The following LRRC56 variants were observed in gnomAD, a reference collection of about 807,000 sequenced individuals.
The protein encoded by LRRC56 is leucine-rich repeat-containing protein 56.
A neutral mutation model predicts 47.8 loss-of-function variants in LRRC56; 41 were observed. The observed-to-expected ratio is 0.86, with a 90% CI of 0.67 to 1.11. The LOEUF (loss-of-function observed/expected upper bound fraction) is 1.11, where lower values mean the gene tolerates loss of function less well. Among genes scored for constraint, LRRC56 ranks in the 50% most tolerant of loss-of-function variants. LRRC56 has a pLI of 0.00. For synonymous variants in LRRC56, 387 were observed against 311.2 expected (o/e 1.24, Z -2.56); for missense variants, 759 against 704.2 (o/e 1.08, Z -0.88).
upstream of LRRC56, chr11:534,315 T>C (rs2133995205): frequency 6.2e-7 from 1 of 1,612,376 alleles, no homozygotes; most frequent in Non-Finnish European, 8.5e-7. Context: ...CAGCTTATAT[T>C]CCGTCATCGC....
the LRRC56 span, among the ~76,000 whole-genome samples, chr11:508,454 C>G: frequency 6.6e-6 from 1 of 152,234 alleles, no homozygotes; most frequent in African/African-American, 2.4e-5. Flanking sequence ...CCACTACACC[C>G]GGCCTGATCA....
At chr11:531,621 G>T in the LRRC56 span, among the ~76,000 whole-genome samples, 1 of 152,172 alleles carries the variant, frequency 6.6e-6, no homozygotes, top group South Asian at 2.1e-4. Context: ...GGGAGAGTGG[G>T]GCAGGAGCAG....
At chr11:515,804 C>T in the LRRC56 span, among the ~76,000 whole-genome samples, 17 of 152,128 alleles carry the variant, frequency 1.1e-4, no homozygotes, top group African/African-American at 4.1e-4. Context: ...TGCCACTGCC[C>T]TCCAACCTGG....
At chr11:522,778 G>A in the LRRC56 span, among the ~76,000 whole-genome samples, 2 of 151,612 alleles carry the variant, frequency 1.3e-5, no homozygotes, top group South Asian at 2.1e-4. Context: ...AGTTTCACTC[G>A]TTCCAAAGCG....
chr11:510,881 C>T, the LRRC56 span, among the ~76,000 whole-genome samples: 2 of 151,990 alleles, frequency 1.3e-5, no homozygotes. Flanking sequence ...TGCACTCCAG[C>T]CTGGGTGACA....
the LRRC56 span, among the ~76,000 whole-genome samples, chr11:520,434 C>T: frequency 1.3e-5 from 2 of 152,066 alleles, no homozygotes; most frequent in South Asian, 4.1e-4. Context: ...GATTCTCCTG[C>T]CTCAGCCTCC....
the LRRC56 span, among the ~76,000 whole-genome samples, chr11:515,598 G>A: frequency 2.1e-4 from 32 of 152,314 alleles, no homozygotes; most frequent in Non-Finnish European, 3.5e-4. Context: ...GGCACTTTGA[G>A]AGGCCAAGGC....
rs769843786 is a variant in LRRC56, at chr11:549,943, T to G, written c.368T>G (p.Leu123Arg). 6.2e-7 allele frequency: 1 copy of G among 1,612,130 alleles called. No homozygotes were observed. Among genetic ancestry groups the G allele is most frequent in the South Asian group, 1.1e-5 (1 of 91,022 alleles). Residue 123 changes from leucine (L) to arginine (R), a missense_variant, in exon 7 of 14, where the codon CTG (leucine) becomes CGG (arginine). Transcript: ENST00000270115. ...CTGGGCCACCTGCAGGTGCTGTGGC[T>G]GGCTCGCTGTGGCCTCGCTGACCTG... ...TSLGHLQVLW[L>R]ARCGLADLDG...
intron 6 of LRRC56, among the ~76,000 whole-genome samples, chr11:545,718 C>A (rs1852041166): frequency 6.6e-6 from 1 of 152,188 alleles, no homozygotes; most frequent in Non-Finnish European, 1.5e-5. Flanking sequence ...AAGAACAAGG[C>A]TGAAGGAACA....
chr11:544,585 G>A (rs1370214477), intron 5 of LRRC56, 135 bp from the exon 6 acceptor site: 4 of 870,736 alleles, frequency 4.6e-6, no homozygotes, highest in Middle Eastern at 2.6e-4. Context: ...CCCCTCCTGT[G>A]GTGTGGAGGG....
rs1852415762 is a variant in LRRC56, at chr11:551,916, C to T, written c.987C>T (p.Val329=). The T allele has an allele frequency of 1.2e-6, 2 of 1,612,738 alleles. No homozygotes were observed. ...TGTCTCTTGCAGGTGCTGGCCAAGT[C>T]CTCTGTGGGAACCCCACCAAGGGCC... ...TSSLTHGAGQ[V]LCGNPTKGLR... is the part of the protein sequence containing the mutation. The change falls in exon 11 of 14, where the codon GTC becomes GTT. Residue 329 remains valine (V), a synonymous_variant. Coordinates refer to ENST00000270115, the MANE Select transcript of LRRC56 (RefSeq NM_198075.4).
chr11:511,689 C>T, the LRRC56 span, among the ~76,000 whole-genome samples: 18 of 152,214 alleles, frequency 1.2e-4, no homozygotes, highest in East Asian at 1.5e-3. Flanking sequence ...TCTGGAGATC[C>T]GTGCTGATGT....
chr11:522,263 T>G, the LRRC56 span, among the ~76,000 whole-genome samples: 1 of 151,326 alleles, frequency 6.6e-6, no homozygotes, highest in African/African-American at 2.4e-5. Flanking sequence ...TTTTTTTGTT[T>G]TGTTTTGTTT....
intron 9 of LRRC56, 77 bp downstream of exon 9, chr11:551,379 C>T: frequency 2.0e-6 from 2 of 1,009,226 alleles, no homozygotes; most frequent in Non-Finnish European, 2.9e-6. Flanking sequence ...CCAGGCTTCT[C>T]AGAAACGGAT....
chr11:532,619 AGTCCCCCTCACCTGC>A, upstream of LRRC56: 1 of 1,607,464 alleles, frequency 6.2e-7, no homozygotes, highest in Non-Finnish European at 8.5e-7. Flanking sequence ...CCGCCCTGGG[AGTCCCCCTCACCTGC>A]GTCAGGAGAG....
rs1304373145 is a variant in LRRC56 at position 552,128 on chromosome 11, A to T, written c.1077A>T (p.Pro359=). 3 of 1,612,462 alleles carry T rather than the reference A, an allele frequency of 1.9e-6. No homozygotes were observed. In the South Asian group the frequency reaches 3.3e-5, roughly 18 times the overall value. The stretch of plus-strand genomic sequence containing the variant: ...CCGAGCAGCTGCCCCAACACAGGCC[A>T]GGAGATCCGGCCGCCAGCACTTCCA... ...EPPEQLPQHR[P]GDPAASTSTP... The change falls in exon 12 of 14, where the codon CCA becomes CCT. Residue 359 remains proline (P), a synonymous_variant. Transcript: ENST00000270115.
chr11:531,160 C>CCTGGAGAGAAGGGCGAGTGTGGTGTTCG, the LRRC56 span, among the ~76,000 whole-genome samples: 2 of 150,858 alleles, frequency 1.3e-5, no homozygotes, highest in South Asian at 2.1e-4. Flanking sequence ...TGTGGCGTCC[C>CCTGGAGAGAAGGGCGAGTGTGGTGTTCG]CTGGAGAGAA....
the LRRC56 span, among the ~76,000 whole-genome samples, chr11:512,284 G>A: frequency 6.6e-6 from 1 of 152,086 alleles, no homozygotes; most frequent in Admixed American, 6.6e-5. Flanking sequence ...CGCCCAGGCT[G>A]GAGTGCAGTG....
intron 6 of LRRC56, among the ~76,000 whole-genome samples, chr11:547,283 A>G (rs1488787156): frequency 6.6e-6 from 1 of 152,020 alleles, no homozygotes; most frequent in Admixed American, 6.6e-5. Flanking sequence ...CCCTAATACA[A>G]GAGTAAATGA....
Sources: allele counts gnomAD v4.1 joint callset (sites outside exome capture counted in the v4.1 genomes callset), GRCh38; gene constraint gnomAD v4.1.1; transcripts MANE v1.5; gene names NCBI Gene and HGNC (gene_info 2026-07-23, HGNC 2026-07-21).